Variants in C8orf34 observed in about 807,000 individuals in gnomAD.
C8orf34 encodes the protein chromosome 8 open reading frame 34.
A neutral mutation model predicts 68.3 loss-of-function variants in C8orf34; 65 were observed. The observed-to-expected ratio is 0.95, with a 90% CI of 0.78 to 1.17. The LOEUF is 1.17. Among genes scored for constraint, C8orf34 ranks in the 50% most tolerant of loss-of-function variants. The probability of loss-of-function intolerance (pLI) is 0.00; values close to 1 mark genes in which losing one functional copy is unlikely to be tolerated. For missense variants in C8orf34, 664 were observed against 655.4 expected (o/e 1.01, Z -0.14); for synonymous variants, 244 against 241.2 (o/e 1.01, Z -0.11).
At chr8:68,786,285 T>G (rs891857225) in intron 11 of C8orf34, among the ~76,000 whole-genome samples, 1 of 152,140 alleles carries the variant, frequency 6.6e-6, no homozygotes, top group Non-Finnish European at 1.5e-5. Context: ...TCTCCTTCCT[T>G]TTTACCCTTC....
intron 5 of C8orf34, among the ~76,000 whole-genome samples, chr8:68,495,127 T>C (rs182152063): frequency 9.0e-4 from 137 of 151,492 alleles, no homozygotes; most frequent in Non-Finnish European, 1.6e-3. Flanking sequence ...TAGTGTGGGG[T>C]ATATTTTAGA....
chr8:68,458,085 G>A (rs80096472), intron 3 of C8orf34, among the ~76,000 whole-genome samples: 147 of 152,070 alleles, frequency 9.7e-4, no homozygotes, highest in Non-Finnish European at 1.8e-3. Context: ...GATTGTCCTC[G>A]TTTGATTCCC....
chr8:68,431,599 T>G lies in C8orf34; in HGVS notation c.328-7900T>G, dbSNP rs554980639. Among the ~76,000 whole-genome samples, 112 of 152,294 alleles carry G rather than the reference T, an allele frequency of 7.4e-4. 1 individual carries two copies. The highest frequency in any genetic ancestry group is 2.6e-3 in the African/African-American group (108 of 41,560). On this transcript the variant is annotated intron_variant, in intron 1 of 13. Transcript: ENST00000518698. ...TAATTTCTCACTGGAAACCTTGGTG[T>G]TTGCCTGGAAATTTAACTACAAGCT...
rs1824882807 is a variant in C8orf34, at chr8:68,818,364, C to T, written c.*118C>T. 1 of 1,174,698 alleles carries T rather than the reference C, an allele frequency of 8.5e-7. No individual in the cohort carries two copies. The highest frequency in any genetic ancestry group is 1.5e-5 in the African/African-American group (1 of 64,882). 72.8% of individuals were successfully genotyped at this position (1,174,698 alleles called of 1,614,324 possible). ...TTTAGAGAATGGTTATTTTTATAAT[C>T]TCAATAATAAACAAGTACTATCGTA... On this transcript the variant is annotated 3_prime_UTR_variant, in exon 14 of 14. Coordinates refer to ENST00000518698, the MANE Select transcript of C8orf34 (RefSeq NM_052958.4).
chr8:68,582,628 C>T (rs1403044489), intron 7 of C8orf34, among the ~76,000 whole-genome samples: 1 of 151,994 alleles, frequency 6.6e-6, no homozygotes, highest in Non-Finnish European at 1.5e-5. Context: ...TTCCAAGGCC[C>T]TTCCAATGTC....
intron 5 of C8orf34, among the ~76,000 whole-genome samples, chr8:68,490,030 G>T (rs1247657469): frequency 1.3e-5 from 2 of 152,132 alleles, no homozygotes; most frequent in African/African-American, 4.8e-5. Flanking sequence ...TGCATAAGTG[G>T]TAGGCATGGC....
In C8orf34 at chr8:68,437,122, T is replaced by C. The variant is rs115665712; in HGVS notation, c.328-2377T>C. Among the ~76,000 whole-genome samples the C allele has an allele frequency of 7.6e-3, 1,162 of 152,292 alleles. 15 individuals are homozygous for C. Among genetic ancestry groups the C allele is most frequent in the African/African-American group, 0.025 (1,057 of 41,564 alleles). Reference sequence around the variant, plus strand: ...GATTGAACTTGTCCTGTGTCTTTAATCTCATATATTCATTAATACAATACA... The same window carrying C: ...GATTGAACTTGTCCTGTGTCTTTAACCTCATATATTCATTAATACAATACA... On this transcript the variant is annotated intron_variant, in intron 1 of 13. Coordinates refer to ENST00000518698, the MANE Select transcript of C8orf34 (RefSeq NM_052958.4).
intron 12 of C8orf34, among the ~76,000 whole-genome samples, chr8:68,796,892 A>T (rs1400670947): frequency 1.3e-5 from 2 of 149,318 alleles, no homozygotes. Flanking sequence ...AGTGGCGCTA[A>T]CTCGGCTCAC....
intron 5 of C8orf34, among the ~76,000 whole-genome samples, chr8:68,506,007 C>T (rs574971424): frequency 4.6e-5 from 7 of 152,182 alleles, no homozygotes; most frequent in Non-Finnish European, 1.0e-4. Context: ...TGAAACCAAC[C>T]TCTATTGCAT....
At chr8:68,631,402 G>A (rs1490218829) in intron 7 of C8orf34, among the ~76,000 whole-genome samples, 3 of 152,020 alleles carry the variant, frequency 2.0e-5, no homozygotes, top group Non-Finnish European at 4.4e-5. Context: ...GAACCACTGT[G>A]CCCAGCTAGT....
intron 8 of C8orf34, among the ~76,000 whole-genome samples, chr8:68,695,016 G>A (rs1362827652): frequency 6.6e-6 from 1 of 151,950 alleles, no homozygotes; most frequent in Non-Finnish European, 1.5e-5. Flanking sequence ...TTATTTCGCA[G>A]GGTTATGTTA....
At chr8:68,812,053 C>G (rs1410716999) in intron 12 of C8orf34, among the ~76,000 whole-genome samples, 1 of 152,030 alleles carries the variant, frequency 6.6e-6, no homozygotes, top group Admixed American at 6.6e-5. Context: ...AAAGAAAACA[C>G]TATAAAATAA....
At chr8:68,559,926 T>C (rs1816370332) in intron 7 of C8orf34, among the ~76,000 whole-genome samples, 1 of 152,006 alleles carries the variant, frequency 6.6e-6, no homozygotes, top group Non-Finnish European at 1.5e-5. Flanking sequence ...GAAAGTCAAG[T>C]AGGTACAGAG....
chr8:68,535,733 G>A, intron 7 of C8orf34: 1 of 933,078 alleles, frequency 1.1e-6, no homozygotes, highest in Non-Finnish European at 1.3e-6. Context: ...AATATTTTCT[G>A]TAAGATTGCT....
Position 68,553,363 on chromosome 8 carries a change from C to A in C8orf34, c.1105+20214C>A, listed in dbSNP as rs554461437. On this transcript the variant is annotated intron_variant, in intron 7 of 13. Transcript: ENST00000518698. Reference sequence around the variant, plus strand: ...TGGAGCCACTGCACTCCAGCCTGGGCGACAGAGCGAGACTCCATCTCAAAA... The same window carrying A: ...TGGAGCCACTGCACTCCAGCCTGGGAGACAGAGCGAGACTCCATCTCAAAA... Among the ~76,000 whole-genome samples the A allele has an allele frequency of 1.0e-4, 13 of 125,322 alleles. No homozygotes were observed. In the Admixed American group the frequency reaches 1.3e-3, roughly 13 times the overall value. The allele number at this position is 125,322 out of a possible 152,430, so 82.2% of individuals were successfully genotyped here.
At chr8:68,338,650 A>G (rs1398384024) in intron 1 of C8orf34, among the ~76,000 whole-genome samples, 1 of 152,112 alleles carries the variant, frequency 6.6e-6, no homozygotes, top group African/African-American at 2.4e-5. Context: ...ATGTTGCAGC[A>G]TGTTACCAAT....
At chr8:68,771,655 AC>A (rs1453722910) in intron 10 of C8orf34, among the ~76,000 whole-genome samples, 2 of 152,150 alleles carry the variant, frequency 1.3e-5, no homozygotes, top group East Asian at 1.9e-4. Context: ...TCAGGACTAA[AC>A]AAAAAAATTG....
intron 8 of C8orf34, among the ~76,000 whole-genome samples, chr8:68,705,285 T>A (rs1385880704): frequency 6.6e-6 from 1 of 152,138 alleles, no homozygotes; most frequent in African/African-American, 2.4e-5. Context: ...GTGGTTGAGA[T>A]GATTCAGGGG....
chr8:68,794,506 T>TATATATATAAATATATATATA (rs58048066), intron 12 of C8orf34, among the ~76,000 whole-genome samples: 1 of 59,044 alleles, frequency 1.7e-5, no homozygotes, highest in African/African-American at 1.0e-4. Flanking sequence ...TATATATATA[T>TATATATATAAATATATATATA]TTTTTTTTTT....
Sources: gnomAD v4.1 joint callset for allele counts (sites outside exome capture counted in the v4.1 genomes callset) on GRCh38, gnomAD v4.1.1 for gene constraint, MANE v1.5 for transcripts, NCBI Gene and HGNC (gene_info 2026-07-23, HGNC 2026-07-21) for gene names.